The following ARHGAP12 variants were observed in gnomAD, a reference collection of about 807,000 sequenced individuals.
The protein encoded by ARHGAP12 is Rho GTPase activating protein 12.
Under a neutral mutation model 108.6 loss-of-function variants are expected in ARHGAP12, and 64 were observed. The observed-to-expected ratio is 0.59, with a 90% CI of 0.48 to 0.73. The LOEUF (loss-of-function observed/expected upper bound fraction) is 0.73. Ranked by LOEUF, ARHGAP12 falls within the 30% of genes least tolerant of loss-of-function variation. ARHGAP12 has a pLI of 0.00. For synonymous variants in ARHGAP12, 312 were observed against 337.2 expected (o/e 0.93, Z 0.82); for missense variants, 940 against 1,005.9 (o/e 0.93, Z 0.89).
intron 6 of ARHGAP12, among the ~76,000 whole-genome samples, chr10:31,851,244 T>C (rs987125851): frequency 2.0e-5 from 3 of 152,166 alleles, no homozygotes; most frequent in Admixed American, 1.3e-4. Flanking sequence ...TGGTTTAAAA[T>C]ATGGAATAGT....
intron 3 of ARHGAP12, among the ~76,000 whole-genome samples, chr10:31,898,853 A>T (rs1838812254): frequency 6.6e-6 from 1 of 152,146 alleles, no homozygotes; most frequent in African/African-American, 2.4e-5. Flanking sequence ...AAATAGTGTA[A>T]CAACAACAAA....
At chr10:31,834,899 GAGTT>G (rs1835955276) in intron 9 of ARHGAP12, among the ~76,000 whole-genome samples, 1 of 152,070 alleles carries the variant, frequency 6.6e-6, no homozygotes, top group African/African-American at 2.4e-5. Context: ...ACACAAGTAA[GAGTT>G]AGGAAAAACA....
chr10:31,827,514 G>A (rs1398014633), intron 10 of ARHGAP12, among the ~76,000 whole-genome samples: 1 of 152,114 alleles, frequency 6.6e-6, no homozygotes, highest in Non-Finnish European at 1.5e-5. Context: ...CCTCTAGGCC[G>A]GGTGCGGTGG....
At chr10:31,823,576 G>C (rs1375518633) in intron 11 of ARHGAP12, among the ~76,000 whole-genome samples, 7 of 151,980 alleles carry the variant, frequency 4.6e-5, no homozygotes, top group Non-Finnish European at 8.8e-5. Flanking sequence ...ATGAGTACCT[G>C]CCCTGGAGTG....
At chr10:31,928,484 G>T (rs1260207362) in intron 1 of ARHGAP12, among the ~76,000 whole-genome samples, 199 bp downstream of exon 1, 2 of 144,648 alleles carry the variant, frequency 1.4e-5, no homozygotes, top group Non-Finnish European at 3.0e-5. Context: ...TAACCCCCGC[G>T]CCCAGAGCCC....
At chr10:31,907,939 GTAGATC>G (rs1438215452) in intron 3 of ARHGAP12, among the ~76,000 whole-genome samples, 1 of 152,176 alleles carries the variant, frequency 6.6e-6, no homozygotes, top group African/African-American at 2.4e-5. Context: ...CTCACTTAAA[GTAGATC>G]TAGTCCTGTC....
At chr10:31,901,081 G>C (rs929170148) in intron 3 of ARHGAP12, among the ~76,000 whole-genome samples, 25 of 151,576 alleles carry the variant, frequency 1.6e-4, no homozygotes, top group Non-Finnish European at 3.1e-4. Flanking sequence ...AGCTGGGCAC[G>C]GTGGTGCACC....
intron 3 of ARHGAP12, among the ~76,000 whole-genome samples, chr10:31,883,368 A>G (rs553097802): frequency 5.3e-5 from 8 of 152,358 alleles, no homozygotes; most frequent in Non-Finnish European, 1.2e-4. Flanking sequence ...TTCAAATTTT[A>G]GTTCAACTAA....
At chr10:31,869,392 C>T (rs777172174) in intron 3 of ARHGAP12, among the ~76,000 whole-genome samples, 1 of 152,042 alleles carries the variant, frequency 6.6e-6, no homozygotes, top group Non-Finnish European at 1.5e-5. Flanking sequence ...CAAATATTAG[C>T]CAGGTGTGGT....
intron 3 of ARHGAP12, among the ~76,000 whole-genome samples, chr10:31,885,451 C>A (rs1294580037): frequency 6.6e-6 from 1 of 152,128 alleles, no homozygotes; most frequent in Non-Finnish European, 1.5e-5. Context: ...TCATTAAAAA[C>A]CAAGAGTTCC....
intron 3 of ARHGAP12, among the ~76,000 whole-genome samples, chr10:31,906,168 C>T (rs1839125843): frequency 6.6e-6 from 1 of 152,164 alleles, no homozygotes; most frequent in African/African-American, 2.4e-5. Context: ...TCAGAAGCAG[C>T]CCCTCCAGCC....
intron 3 of ARHGAP12, among the ~76,000 whole-genome samples, chr10:31,894,399 G>A (rs1838587979): frequency 6.6e-6 from 1 of 152,220 alleles, no homozygotes; most frequent in African/African-American, 2.4e-5. Context: ...CTTCAGCAAA[G>A]TCTCAGGATA....
chr10:31,857,708 A>G (rs1318354355), intron 4 of ARHGAP12, among the ~76,000 whole-genome samples: 3 of 152,256 alleles, frequency 2.0e-5, no homozygotes, highest in East Asian at 1.9e-4. Context: ...AAAGACAATC[A>G]GATTGACATC....
intron 3 of ARHGAP12, among the ~76,000 whole-genome samples, chr10:31,894,719 G>T (rs1019995250): frequency 3.3e-5 from 5 of 152,292 alleles, no homozygotes; most frequent in Admixed American, 3.3e-4. Flanking sequence ...AGCTACCAGT[G>T]ACTTTCTTCA....
chr10:31,912,882 C>G (rs1468469394), intron 1 of ARHGAP12, among the ~76,000 whole-genome samples: 1 of 152,172 alleles, frequency 6.6e-6, no homozygotes, highest in East Asian at 1.9e-4. Context: ...AAGAAAAAAA[C>G]TTATTATAAA....
intron 3 of ARHGAP12, among the ~76,000 whole-genome samples, chr10:31,890,797 A>G (rs1020348063): frequency 7.9e-5 from 12 of 152,218 alleles, no homozygotes; most frequent in Non-Finnish European, 1.6e-4. Context: ...AAAGGACTTT[A>G]TACCTAATCC....
chr10:31,876,745 A>G (rs969836762), intron 3 of ARHGAP12, among the ~76,000 whole-genome samples: 1 of 152,172 alleles, frequency 6.6e-6, no homozygotes, highest in Non-Finnish European at 1.5e-5. Flanking sequence ...CTCATATTTC[A>G]AAGTGCAGGA....
At chr10:31,808,448 C>T (rs374594436) in intron 19 of ARHGAP12, 1 of 464,536 alleles carries the variant, frequency 2.2e-6, no homozygotes, top group Admixed American at 3.9e-5. Context: ...ACATATAATA[C>T]CTACTTTACT....
intron 3 of ARHGAP12, among the ~76,000 whole-genome samples, chr10:31,887,435 G>T (rs1190629530): frequency 1.3e-5 from 2 of 152,088 alleles, no homozygotes; most frequent in African/African-American, 2.4e-5. Flanking sequence ...CACATAAAAA[G>T]AACCATCACA....
Sources: allele counts gnomAD v4.1 joint callset (sites outside exome capture counted in the v4.1 genomes callset), GRCh38; gene constraint gnomAD v4.1.1; transcripts MANE v1.5; gene names NCBI Gene and HGNC (gene_info 2026-07-23, HGNC 2026-07-21).